Variants in SPATA17 observed in about 807,000 individuals in gnomAD.
SPATA17 encodes spermatogenesis-associated protein 17.
Under a neutral mutation model 62.2 loss-of-function variants are expected in SPATA17, and 53 were observed. That is an observed-to-expected ratio of 0.85 (90% CI 0.68 to 1.07). The LOEUF is 1.07. SPATA17 is among the 50% of genes least tolerant of loss of function. The pLI is 0.00. For missense variants in SPATA17, 466 were observed against 425.5 expected (o/e 1.10, Z -0.84); for synonymous variants, 146 against 146.8 (o/e 0.99, Z 0.04).
At chr1:217,782,429 G>T (rs1673752868) in intron 8 of SPATA17, 107 bp downstream of exon 8, 1 of 1,275,608 alleles carries the variant, frequency 7.8e-7, no homozygotes, top group Non-Finnish European at 1.0e-6. Flanking sequence ...GTGAGAAAAG[G>T]TAAAGCCACC....
rs543425823 is a variant in SPATA17 at position 217,817,320 on chromosome 1, C to T, written c.1005+15470C>T. Among the ~76,000 whole-genome samples the T allele has an allele frequency of 3.0e-3, 461 of 152,064 alleles. 4 individuals carry two copies. The highest frequency in any genetic ancestry group is 0.011 in the African/African-American group (442 of 41,500). ...GGTAATTGAATCAAGGGGTCAGTTT[C>T]CCCCATGCTATTCTCATAATAGCAA... is the stretch of plus-strand genomic sequence containing the variant. On this transcript the variant is annotated intron_variant, in intron 9 of 10. Coordinates refer to ENST00000366933, the MANE Select transcript of SPATA17 (RefSeq NM_138796.4).
At chr1:217,756,768 C>T (rs893581948) in intron 6 of SPATA17, among the ~76,000 whole-genome samples, 1 of 152,018 alleles carries the variant, frequency 6.6e-6, no homozygotes, top group African/African-American at 2.4e-5. Flanking sequence ...ATTTGTCATG[C>T]CAGAAAAAGA....
At chr1:217,780,726 A>G (rs546561813) in intron 7 of SPATA17, among the ~76,000 whole-genome samples, 42 of 152,292 alleles carry the variant, frequency 2.8e-4, no homozygotes, top group African/African-American at 1.0e-3. Flanking sequence ...TATGATGGTA[A>G]TAACAATAAC....
At chr1:217,647,584 A>G (rs1047247757) in intron 1 of SPATA17, among the ~76,000 whole-genome samples, 10 of 152,226 alleles carry the variant, frequency 6.6e-5, no homozygotes, top group Admixed American at 3.9e-4. Flanking sequence ...AAGCTATCAG[A>G]GTGTAACATG....
chr1:217,832,354 T>C (rs1675161601), intron 9 of SPATA17, among the ~76,000 whole-genome samples: 1 of 152,160 alleles, frequency 6.6e-6, no homozygotes, highest in South Asian at 2.1e-4. Flanking sequence ...AACTAACATA[T>C]TTTCTTTTTA....
intron 9 of SPATA17, among the ~76,000 whole-genome samples, chr1:217,805,251 A>G (rs148295382): frequency 2.2e-3 from 330 of 152,338 alleles, no homozygotes; most frequent in Middle Eastern, 0.01. Context: ...ACCCTGGAGG[A>G]TCTTACACTA....
chr1:217,722,226 A>G (rs1406742075), intron 5 of SPATA17, among the ~76,000 whole-genome samples: 1 of 152,172 alleles, frequency 6.6e-6, no homozygotes, highest in Non-Finnish European at 1.5e-5. Context: ...AGAATTTTCC[A>G]TTCCTACCAT....
At chr1:217,801,996 T>C (rs1674325031) in intron 9 of SPATA17, 146 bp downstream of exon 9, 1 of 853,022 alleles carries the variant, frequency 1.2e-6, no homozygotes, top group East Asian at 2.9e-5. Flanking sequence ...AAGATGGTGC[T>C]GCTGACCTAT....
At chr1:217,780,069 A>T (rs918064848) in intron 7 of SPATA17, among the ~76,000 whole-genome samples, 2 of 152,136 alleles carry the variant, frequency 1.3e-5, no homozygotes, top group Admixed American at 6.6e-5. Context: ...TACAATCAGC[A>T]GATCTAAAGT....
intron 5 of SPATA17, among the ~76,000 whole-genome samples, chr1:217,689,989 C>T (rs7522236): frequency 0.19 from 28,506 of 151,426 alleles, 2,959 homozygotes; most frequent in African/African-American, 0.28. Context: ...CTGCAATCTC[C>T]GCCTCCCAGG....
chr1:217,672,514 A>G (rs1670854769), intron 4 of SPATA17, among the ~76,000 whole-genome samples: 1 of 152,214 alleles, frequency 6.6e-6, no homozygotes, highest in South Asian at 2.1e-4. Flanking sequence ...GATTGCTACC[A>G]TGACAACTAA....
intron 7 of SPATA17, among the ~76,000 whole-genome samples, chr1:217,779,736 C>T (rs1673689212): frequency 6.6e-6 from 1 of 151,456 alleles, no homozygotes. Context: ...AAGTATATAC[C>T]TCATTGGTGA....
chr1:217,807,793 CAT>C (rs1674474237), intron 9 of SPATA17, among the ~76,000 whole-genome samples: 1 of 152,100 alleles, frequency 6.6e-6, no homozygotes, highest in Non-Finnish European at 1.5e-5. Context: ...ATTGGGAAAA[CAT>C]GTCTTAGACT....
intron 5 of SPATA17, among the ~76,000 whole-genome samples, chr1:217,704,396 G>A (rs1412472748): frequency 6.0e-5 from 9 of 150,372 alleles, no homozygotes; most frequent in East Asian, 1.9e-4. Flanking sequence ...GACTACAGGC[G>A]CCCGCCACCG....
chr1:217,789,635 T>C (rs1280963942), intron 8 of SPATA17, among the ~76,000 whole-genome samples: 1 of 152,188 alleles, frequency 6.6e-6, no homozygotes, highest in East Asian at 1.9e-4. Context: ...ACATTAGTTT[T>C]GGCCTAAAAG....
intron 6 of SPATA17, among the ~76,000 whole-genome samples, chr1:217,770,075 A>G (rs1410678924): frequency 6.6e-6 from 1 of 152,206 alleles, no homozygotes; most frequent in East Asian, 1.9e-4. Context: ...TTTCATTCAC[A>G]GTTCTTTGGC....
intron 6 of SPATA17, among the ~76,000 whole-genome samples, chr1:217,759,301 A>G (rs1673116396): frequency 6.6e-6 from 1 of 152,138 alleles, no homozygotes; most frequent in Admixed American, 6.5e-5. Context: ...TCTACTAAAA[A>G]TACTAAAATT....
At chr1:217,682,022 A>G (rs116386843) in intron 4 of SPATA17, among the ~76,000 whole-genome samples, 7,629 of 152,164 alleles carry the variant, frequency 0.05, 253 homozygotes, top group Middle Eastern at 0.12. Flanking sequence ...AAAGGGAATG[A>G]TTTATGATAC....
chr1:217,786,415 G>C (rs1673864058), intron 8 of SPATA17, among the ~76,000 whole-genome samples: 3 of 152,066 alleles, frequency 2.0e-5, no homozygotes, highest in Admixed American at 2.0e-4. Context: ...GATAAAAGTA[G>C]GCTGATGATG....
Sources: allele counts gnomAD v4.1 joint callset (sites outside exome capture counted in the v4.1 genomes callset), GRCh38; gene constraint gnomAD v4.1.1; transcripts MANE v1.5; gene names NCBI Gene and HGNC (gene_info 2026-07-23, HGNC 2026-07-21).